ADAMTSL1: variants seen among roughly 807,000 people sequenced by gnomAD.
ADAMTSL1 encodes ADAMTS like 1.
A neutral mutation model predicts 201.8 loss-of-function variants in ADAMTSL1; 126 were observed. That is an observed-to-expected ratio of 0.62 (90% CI 0.54 to 0.72). The LOEUF (loss-of-function observed/expected upper bound fraction) is 0.72, where lower values mean the gene tolerates loss of function less well. ADAMTSL1 is among the 30% of genes least tolerant of loss of function. The pLI is 0.00. For missense variants in ADAMTSL1, 2,679 were observed against 2,277.8 expected (o/e 1.18, Z -3.59); for synonymous variants, 1,121 against 903.4 (o/e 1.24, Z -4.32).
At chr9:18,043,794 T>A (rs1399466399) in intron 1 of ADAMTSL1, among the ~76,000 whole-genome samples, 1 of 151,980 alleles carries the variant, frequency 6.6e-6, no homozygotes, top group African/African-American at 2.4e-5. Flanking sequence ...TTTTGTGAAT[T>A]CTCCTGAATT....
chr9:18,300,947 G>A (rs1267796680), intron 2 of ADAMTSL1, among the ~76,000 whole-genome samples: 2 of 152,096 alleles, frequency 1.3e-5, no homozygotes, highest in Non-Finnish European at 2.9e-5. Context: ...GGGGAAAATT[G>A]CCTATAGGTT....
intron 2 of ADAMTSL1, among the ~76,000 whole-genome samples, chr9:18,400,709 C>T (rs923636459): frequency 1.3e-5 from 2 of 152,144 alleles, no homozygotes; most frequent in African/African-American, 4.8e-5. Context: ...TTTCTACAGA[C>T]TATCTTTGGG....
intron 2 of ADAMTSL1, among the ~76,000 whole-genome samples, chr9:18,308,234 G>T (rs1833982936): frequency 6.6e-6 from 1 of 152,150 alleles, no homozygotes; most frequent in Non-Finnish European, 1.5e-5. Context: ...GCCCACAGGA[G>T]AGAGGGGGAA....
intron 15 of ADAMTSL1, 124 bp from the exon 16 acceptor site, chr9:18,753,174 G>T: frequency 1.1e-6 from 1 of 880,318 alleles, no homozygotes; most frequent in Non-Finnish European, 1.9e-6. Context: ...AGAGCTGCCA[G>T]CCAATCTTGG....
rs1289329686 is a variant in ADAMTSL1, at chr9:18,649,033, C to T, written c.835-8606C>T. On this transcript the variant is annotated intron_variant, in intron 7 of 28. Coordinates refer to ENST00000380548, the MANE Select transcript of ADAMTSL1 (RefSeq NM_001040272.6). ...ATCACTTTCAGGTACACCAATCAGA[C>T]GCAGATTTGGTCTTTTCACATAGTC... Among the ~76,000 whole-genome samples the T allele has an allele frequency of 9.0e-3, 1,357 of 150,914 alleles. 17 individuals are homozygous for T. Among genetic ancestry groups the T allele is most frequent in the African/African-American group, 0.032 (1,311 of 41,194 alleles).
chr9:18,224,554 C>T (rs1412673734), intron 2 of ADAMTSL1, among the ~76,000 whole-genome samples: 1 of 152,152 alleles, frequency 6.6e-6, no homozygotes, highest in Non-Finnish European at 1.5e-5. Flanking sequence ...GTGCTTCTCA[C>T]ATACAAAATA....
intron 13 of ADAMTSL1, among the ~76,000 whole-genome samples, chr9:18,702,924 G>A (rs772574381): frequency 2.6e-5 from 4 of 151,790 alleles, no homozygotes; most frequent in East Asian, 1.9e-4. Context: ...CACCATGCCC[G>A]GCTAATTTTT....
intron 1 of ADAMTSL1, among the ~76,000 whole-genome samples, chr9:17,929,453 G>T (rs986287916): frequency 3.9e-5 from 6 of 151,974 alleles, no homozygotes; most frequent in African/African-American, 1.5e-4. Flanking sequence ...GAATAAGCTG[G>T]AAAACCCTTA....
At chr9:18,876,151 T>C (rs563518998) in intron 23 of ADAMTSL1, among the ~76,000 whole-genome samples, 1 of 152,266 alleles carries the variant, frequency 6.6e-6, no homozygotes, top group East Asian at 1.9e-4. Context: ...TAGGTGAGTC[T>C]CTTGAAGACA....
intron 2 of ADAMTSL1, among the ~76,000 whole-genome samples, chr9:18,419,135 A>G (rs1444710701): frequency 1.3e-5 from 2 of 152,240 alleles, no homozygotes; most frequent in African/African-American, 4.8e-5. Flanking sequence ...AAATCTACAC[A>G]TGCAAAAACA....
At chr9:18,830,566 T>A (rs1427305329) in intron 23 of ADAMTSL1, among the ~76,000 whole-genome samples, 7 of 152,088 alleles carry the variant, frequency 4.6e-5, no homozygotes, top group Non-Finnish European at 1.0e-4. Context: ...CCAAGTTATT[T>A]CCCACATGGG....
chr9:18,203,060 C>T (rs1829513172), intron 2 of ADAMTSL1, among the ~76,000 whole-genome samples: 1 of 152,130 alleles, frequency 6.6e-6, no homozygotes, highest in Admixed American at 6.5e-5. Context: ...CCTTTCCCAG[C>T]TCTTTCCTGA....
At chr9:18,244,729 G>C (rs1219340505) in intron 2 of ADAMTSL1, among the ~76,000 whole-genome samples, 1 of 152,070 alleles carries the variant, frequency 6.6e-6, no homozygotes, top group Non-Finnish European at 1.5e-5. Context: ...GTGTCAAATA[G>C]GATGCTGTGC....
At chr9:18,071,299 C>T (rs981361204) in intron 1 of ADAMTSL1, among the ~76,000 whole-genome samples, 3 of 152,170 alleles carry the variant, frequency 2.0e-5, no homozygotes, top group African/African-American at 7.2e-5. Context: ...CAGAGCATAT[C>T]TATGGGAGTG....
At chr9:18,368,299 C>T (rs1836875037) in intron 2 of ADAMTSL1, among the ~76,000 whole-genome samples, 2 of 152,120 alleles carry the variant, frequency 1.3e-5, no homozygotes, top group Admixed American at 1.3e-4. Context: ...CACTACACGA[C>T]TTTCACCATG....
intron 23 of ADAMTSL1, among the ~76,000 whole-genome samples, chr9:18,886,022 C>T (rs113874047): frequency 1.1e-4 from 16 of 151,724 alleles, no homozygotes; most frequent in African/African-American, 3.6e-4. Flanking sequence ...TGTGGTGGCT[C>T]ACTTCTGTAA....
chr9:17,967,949 C>G (rs1166749297), intron 1 of ADAMTSL1, among the ~76,000 whole-genome samples: 1 of 152,106 alleles, frequency 6.6e-6, no homozygotes, highest in African/African-American at 2.4e-5. Flanking sequence ...CTTGGCCTTG[C>G]TCACTGACCA....
intron 1 of ADAMTSL1, among the ~76,000 whole-genome samples, chr9:18,065,709 G>A (rs983215759): frequency 6.6e-6 from 1 of 152,096 alleles, no homozygotes; most frequent in Admixed American, 6.5e-5. Context: ...GGCCAGGCGC[G>A]GTGGCTCACG....
intron 2 of ADAMTSL1, among the ~76,000 whole-genome samples, chr9:18,361,495 C>T (rs1259669355): frequency 6.6e-6 from 1 of 152,096 alleles, no homozygotes; most frequent in Non-Finnish European, 1.5e-5. Flanking sequence ...GGGGGGAAAT[C>T]GTAGGTTCTT....
Sources: allele counts gnomAD v4.1 joint callset (sites outside exome capture counted in the v4.1 genomes callset), GRCh38; gene constraint gnomAD v4.1.1; transcripts MANE v1.5; gene names NCBI Gene and HGNC (gene_info 2026-07-23, HGNC 2026-07-21).